The following RFX3 variants were observed in gnomAD, a reference collection of about 807,000 sequenced individuals.
The protein encoded by RFX3 is transcription factor RFX3.
In RFX3, 14 loss-of-function variants were observed where a neutral mutation model predicts 98.6. That is an observed-to-expected ratio of 0.14 (90% CI 0.09 to 0.22). The LOEUF (loss-of-function observed/expected upper bound fraction) is 0.22. Among genes scored for constraint, RFX3 ranks in the 10% least tolerant of loss-of-function variants. The pLI is 1.00. For missense variants in RFX3, 639 were observed against 926.9 expected (o/e 0.69, Z 4.03); for synonymous variants, 383 against 328.4 (o/e 1.17, Z -1.80).
chr9:3,503,872 C>A (rs966076851), intron 1 of RFX3, among the ~76,000 whole-genome samples: 15 of 151,740 alleles, frequency 9.9e-5, no homozygotes, highest in African/African-American at 3.1e-4. Flanking sequence ...TTAAATTAGC[C>A]ATAAGTAAAC....
At chr9:3,504,882 TA>T (rs1214242488) in intron 1 of RFX3, among the ~76,000 whole-genome samples, 4 of 70,834 alleles carry the variant, frequency 5.6e-5, no homozygotes, top group African/African-American at 2.5e-4. Context: ...ATATATATTA[TA>T]TATAATATAA....
chr9:3,376,860 C>A (rs1179114506), intron 2 of RFX3, among the ~76,000 whole-genome samples: 4 of 152,112 alleles, frequency 2.6e-5, no homozygotes, highest in African/African-American at 7.2e-5. Flanking sequence ...TCATCACTGG[C>A]CATCAGAGAA....
At chr9:3,252,810 T>G (rs1436780973) in intron 14 of RFX3, among the ~76,000 whole-genome samples, 6 of 152,192 alleles carry the variant, frequency 3.9e-5, no homozygotes, top group Non-Finnish European at 7.3e-5. Flanking sequence ...AAAAAAAAAT[T>G]TATTGATCCT....
rs142958931 is a variant in RFX3 at position 3,447,359 on chromosome 9, T to C, written c.-8-51763A>G. ...TTTTTTCTGAAACATGATAGTAACA[T>C]GGAGATAATAACTGAATGATTTCAG... is the stretch of plus-strand genomic sequence containing the variant. On this transcript the variant is annotated intron_variant, in intron 1 of 16. Transcript: ENST00000617270. Among the ~76,000 whole-genome samples, 4 of 152,130 alleles carry C rather than the reference T, an allele frequency of 2.6e-5. No homozygotes were observed. The East Asian group carries it at 7.7e-4, about 29-fold the overall frequency.
At chr9:3,472,920 G>A (rs1055594373) in intron 1 of RFX3, among the ~76,000 whole-genome samples, 2 of 152,116 alleles carry the variant, frequency 1.3e-5, no homozygotes, top group African/African-American at 2.4e-5. Flanking sequence ...CTGCAGTAAC[G>A]AGATGATCCA....
chr9:3,289,018 T>C (rs905758847), intron 6 of RFX3, among the ~76,000 whole-genome samples: 6 of 152,130 alleles, frequency 3.9e-5, no homozygotes, highest in African/African-American at 9.6e-5. Context: ...CCATGTTTGC[T>C]ATTAGAAATG....
At chr9:3,247,757 T>C (rs1448573824) in intron 15 of RFX3, 1 of 1,568,420 alleles carries the variant, frequency 6.4e-7, no homozygotes, top group Non-Finnish European at 8.6e-7. Context: ...TTCCAGTGGT[T>C]CTCAAGTTTT....
At chr9:3,375,727 A>G (rs954034754) in intron 2 of RFX3, among the ~76,000 whole-genome samples, 6 of 152,166 alleles carry the variant, frequency 3.9e-5, no homozygotes, top group South Asian at 2.1e-4. Context: ...TTGGGAGGCC[A>G]AGGCGGGTGG....
chr9:3,367,852 C>T (rs138701392), intron 2 of RFX3, among the ~76,000 whole-genome samples: 106 of 152,258 alleles, frequency 7.0e-4, no homozygotes, highest in African/African-American at 2.4e-3. Context: ...CTAAAAATAT[C>T]AAAGGACAAG....
At chr9:3,231,609 G>C (rs1306614893) in intron 15 of RFX3, among the ~76,000 whole-genome samples, 1 of 152,008 alleles carries the variant, frequency 6.6e-6, no homozygotes, top group Non-Finnish European at 1.5e-5. Flanking sequence ...TAGGGTTCAA[G>C]TCTTAGAAAT....
intron 8 of RFX3, 110 bp downstream of exon 8, chr9:3,277,229 CA>C (rs148227381): frequency 1.5e-4 from 175 of 1,143,800 alleles, no homozygotes; most frequent in South Asian, 1.9e-4. Flanking sequence ...ATTTTGGCAC[CA>C]AAAAAAATCT....
chr9:3,467,231 T>C (rs1848375883), intron 1 of RFX3, among the ~76,000 whole-genome samples: 1 of 145,118 alleles, frequency 6.9e-6, no homozygotes, highest in Non-Finnish European at 1.5e-5. Context: ...TGTATATATG[T>C]ATATACAATA....
At chr9:3,363,462 A>C (rs1244905371) in intron 2 of RFX3, among the ~76,000 whole-genome samples, 1 of 152,232 alleles carries the variant, frequency 6.6e-6, no homozygotes, top group Non-Finnish European at 1.5e-5. Context: ...AGTTAAATAA[A>C]GATGTCGGTT....
intron 1 of RFX3, among the ~76,000 whole-genome samples, chr9:3,440,605 T>C (rs1845530055): frequency 6.6e-6 from 1 of 152,120 alleles, no homozygotes; most frequent in African/African-American, 2.4e-5. Flanking sequence ...AGTAAAGAGG[T>C]ATAACTTGTT....
intron 3 of RFX3, among the ~76,000 whole-genome samples, chr9:3,339,099 T>C (rs1479595418): frequency 6.6e-6 from 1 of 151,480 alleles, no homozygotes; most frequent in African/African-American, 2.4e-5. Context: ...AAAAATAAAA[T>C]AAAATAATTC....
intron 2 of RFX3, among the ~76,000 whole-genome samples, chr9:3,393,957 A>T (rs772859667): frequency 6.6e-6 from 1 of 152,200 alleles, no homozygotes; most frequent in Non-Finnish European, 1.5e-5. Flanking sequence ...GCAAACCTGC[A>T]TATGTATGCT....
chr9:3,252,522 C>T (rs1424333073), intron 14 of RFX3, among the ~76,000 whole-genome samples: 1 of 152,120 alleles, frequency 6.6e-6, no homozygotes, highest in Non-Finnish European at 1.5e-5. Context: ...GAAGAGTCTT[C>T]CTGGCAGAAA....
chr9:3,492,676 G>A (rs1305881378), intron 1 of RFX3, among the ~76,000 whole-genome samples: 2 of 152,134 alleles, frequency 1.3e-5, no homozygotes, highest in Non-Finnish European at 1.5e-5. Context: ...AAGAGCCCAG[G>A]ATATGAAAAA....
intron 15 of RFX3, among the ~76,000 whole-genome samples, chr9:3,235,022 A>C (rs186300430): frequency 6.6e-6 from 1 of 152,242 alleles, no homozygotes; most frequent in Admixed American, 6.5e-5. Flanking sequence ...GGGTACTTGC[A>C]TATACAGGCA....
Sources: allele counts gnomAD v4.1 joint callset (sites outside exome capture counted in the v4.1 genomes callset), GRCh38; gene constraint gnomAD v4.1.1; transcripts MANE v1.5; gene names NCBI Gene and HGNC (gene_info 2026-07-23, HGNC 2026-07-21).